MIA2: variants seen among roughly 807,000 people sequenced by gnomAD.
The protein encoded by MIA2 is melanoma inhibitory activity protein 2.
Under a neutral mutation model 167.8 loss-of-function variants are expected in MIA2, and 127 were observed. The observed-to-expected ratio is 0.76, with a 90% confidence interval of 0.66 to 0.88. The LOEUF is 0.88. Among genes scored for constraint, MIA2 ranks in the 40% least tolerant of loss-of-function variants. The pLI is 0.00. For synonymous variants in MIA2, 552 were observed against 541.9 expected (o/e 1.02, Z -0.26); for missense variants, 1,690 against 1,624.7 (o/e 1.04, Z -0.69).
At chr14:39,366,641 G>T (rs918935186) in intron 23 of MIA2, among the ~76,000 whole-genome samples, 1 of 152,190 alleles carries the variant, frequency 6.6e-6, no homozygotes, top group African/African-American at 2.4e-5. Context: ...GGTGTGTTTG[G>T]AAATAGCCTG....
At chr14:39,267,420 C>T in intron 6 of MIA2, 2 of 1,609,692 alleles carry the variant, frequency 1.2e-6, no homozygotes, top group Non-Finnish European at 1.7e-6. Context: ...CCCCGACAGG[C>T]CGGGGTTACT....
intron 6 of MIA2, chr14:39,266,161 G>T (rs1197454194): frequency 1.0e-6 from 1 of 985,252 alleles, no homozygotes; most frequent in Non-Finnish European, 1.2e-6. Context: ...TGGGTGATTT[G>T]TTTAGGAGGA....
intron 7 of MIA2, 44 bp from the exon 8 acceptor site, chr14:39,279,293 A>C: frequency 6.5e-7 from 1 of 1,534,700 alleles, no homozygotes; most frequent in Non-Finnish European, 8.9e-7. Context: ...TTTACTTGAG[A>C]GCGTATTTGT....
At chr14:39,267,099 A>G (rs1168685390) in intron 6 of MIA2, 8 of 1,109,948 alleles carry the variant, frequency 7.2e-6, no homozygotes, top group African/African-American at 3.3e-5. Flanking sequence ...GCTTGCGCGA[A>G]GAAGGGGAAG....
At chr14:39,386,371 C>T (rs182550674) in intron 23 of MIA2, 1 of 1,546,070 alleles carries the variant, frequency 6.5e-7, no homozygotes, top group Non-Finnish European at 8.9e-7. Context: ...AACTGGGACT[C>T]TCTTTTGAGC....
chr14:39,248,817 G>A (rs143453330), intron 4 of MIA2, among the ~76,000 whole-genome samples: 168 of 151,914 alleles, frequency 1.1e-3, no homozygotes, highest in Non-Finnish European at 1.6e-3. Context: ...TCAGGTCACC[G>A]CAGCCTCGAC....
In MIA2 at chr14:39,236,994, G is replaced by C; in HGVS notation, c.188G>C (p.Gly63Ala). 2 of 1,614,102 alleles carry C rather than the reference G, an allele frequency of 1.2e-6. No individual in the cohort carries two copies. Among genetic ancestry groups the C allele is most frequent in the Admixed American group, 3.3e-5 (2 of 60,028 alleles). The change falls in exon 2 of 29, where the codon GGA becomes GCA. Residue 63 changes from glycine to alanine, a missense_variant. Gly to Ala is a moderately conservative substitution (Grantham distance 60). Transcript: ENST00000640607. ...TGCCGATACCTGAACTTCACTAAGG[G>C]AGAAGAGATATCTGTTTATGTTAAA... ...PDCRYLNFTK[G>A]EEISVYVKLA...
intron 6 of MIA2, among the ~76,000 whole-genome samples, chr14:39,263,150 G>A (rs1475909038): frequency 3.3e-5 from 5 of 152,100 alleles, no homozygotes; most frequent in Admixed American, 3.3e-4. Flanking sequence ...TTGGCTGTGG[G>A]TTTGTCATAA....
intron 23 of MIA2, among the ~76,000 whole-genome samples, chr14:39,382,531 A>C (rs751148114): frequency 6.6e-6 from 1 of 152,140 alleles, no homozygotes; most frequent in Non-Finnish European, 1.5e-5. Flanking sequence ...GCTGGAGGGG[A>C]AATTGGGAGA....
chr14:39,371,946 G>C (rs1186248853), intron 23 of MIA2, among the ~76,000 whole-genome samples: 1 of 152,034 alleles, frequency 6.6e-6, no homozygotes, highest in East Asian at 1.9e-4. Flanking sequence ...AGAAGGGGGA[G>C]AGAGTCCTTT....
At chr14:39,303,377 A>C (rs1250474036) in intron 15 of MIA2, 101 bp from the exon 16 acceptor site, 1 of 877,208 alleles carries the variant, frequency 1.1e-6, no homozygotes, top group African/African-American at 1.7e-5. Flanking sequence ...AAGAGGGATT[A>C]TAAGTTTCTG....
intron 19 of MIA2, 63 bp from the exon 20 acceptor site, chr14:39,314,676 G>T: frequency 7.3e-6 from 6 of 822,954 alleles, no homozygotes; most frequent in Non-Finnish European, 8.7e-6. Context: ...TTTTTTAGTA[G>T]AGAGTATGTT....
At chr14:39,246,070 AT>A (rs962166468) in intron 3 of MIA2, among the ~76,000 whole-genome samples, 8 of 138,162 alleles carry the variant, frequency 5.8e-5, no homozygotes, top group African/African-American at 2.2e-4. Context: ...CATTTCAATT[AT>A]TTTTAAAAAT....
chr14:39,343,364 C>G (rs2072462104), intron 25 of MIA2, among the ~76,000 whole-genome samples: 1 of 152,162 alleles, frequency 6.6e-6, no homozygotes, highest in African/African-American at 2.4e-5. Flanking sequence ...CCAGGCCGAT[C>G]TTGAACTCTT....
chr14:39,376,074 C>T (rs1320367574), intron 23 of MIA2, among the ~76,000 whole-genome samples: 2 of 152,168 alleles, frequency 1.3e-5, no homozygotes, highest in African/African-American at 2.4e-5. Context: ...CTGCCTCAGC[C>T]TCCTGAGTAG....
intron 23 of MIA2, among the ~76,000 whole-genome samples, chr14:39,379,096 C>T (rs539708579): frequency 3.3e-5 from 5 of 151,990 alleles, no homozygotes; most frequent in African/African-American, 7.2e-5. Flanking sequence ...TTAATCATCT[C>T]GACCATAAGA....
exon 24 of MIA2, chr14:39,387,127 G>A (rs2075285017): frequency 3.6e-6 from 2 of 559,658 alleles, no homozygotes; most frequent in Admixed American, 3.4e-5. Flanking sequence ...AACGGAAGCC[G>A]ACTTTCAAGC....
At chr14:39,354,761 T>G (rs569495266), downstream of MIA2, among the ~76,000 whole-genome samples, 12 of 152,304 alleles carry the variant, frequency 7.9e-5, no homozygotes, top group South Asian at 2.5e-3. Flanking sequence ...AGGGGTCCAG[T>G]TTCAGCTTTC....
At chr14:39,347,631 A>C in intron 26 of MIA2, 82 bp from the exon 27 acceptor site, 1 of 1,454,930 alleles carries the variant, frequency 6.9e-7, no homozygotes, top group Non-Finnish European at 9.6e-7. Flanking sequence ...GGAGTGGGAA[A>C]ATACCAATTT....
Sources: gnomAD v4.1 joint callset for allele counts (sites outside exome capture counted in the v4.1 genomes callset) on GRCh38, gnomAD v4.1.1 for gene constraint, MANE v1.5 for transcripts, NCBI Gene and HGNC (gene_info 2026-07-23, HGNC 2026-07-21) for gene names.